Variants in TENM2 observed in about 807,000 individuals in gnomAD.
TENM2 encodes the protein teneurin-2.
In TENM2, 52 loss-of-function variants were observed where a neutral mutation model predicts 245.2. That is an observed-to-expected ratio of 0.21 (90% CI 0.17 to 0.27). The LOEUF (loss-of-function observed/expected upper bound fraction) is 0.27. TENM2 is among the 10% of genes least tolerant of loss of function. The pLI, the probability that TENM2 is intolerant of heterozygous loss-of-function variation, is 1.00. For missense variants in TENM2, 3,046 were observed against 3,666.8 expected (o/e 0.83, Z 4.37); for synonymous variants, 1,363 against 1,438.9 (o/e 0.95, Z 1.19).
At chr5:167,312,850 GC>G (rs1756120498) in intron 1 of TENM2, among the ~76,000 whole-genome samples, 1 of 151,074 alleles carries the variant, frequency 6.6e-6, no homozygotes, top group Non-Finnish European at 1.5e-5. Flanking sequence ...CCGGACCCTG[GC>G]AAAGCAGAAT....
chr5:167,263,166 A>T, the TENM2 span, among the ~76,000 whole-genome samples: 1 of 150,036 alleles, frequency 6.7e-6, no homozygotes, highest in African/African-American at 2.5e-5. Flanking sequence ...CATTTTAAGT[A>T]AATGAACCAA....
chr5:167,318,546 A>G (rs1015594655), intron 1 of TENM2, among the ~76,000 whole-genome samples: 4 of 152,158 alleles, frequency 2.6e-5, no homozygotes, highest in African/African-American at 9.7e-5. Flanking sequence ...TAAATATCAT[A>G]TAATAGAGTT....
the TENM2 span, among the ~76,000 whole-genome samples, chr5:167,260,316 G>A: frequency 6.6e-6 from 1 of 152,186 alleles, no homozygotes; most frequent in African/African-American, 2.4e-5. Context: ...ATATTAAAAA[G>A]TGAAAATTCT....
At chr5:167,712,308 TA>T (rs1308876682) in intron 2 of TENM2, among the ~76,000 whole-genome samples, 3 of 152,226 alleles carry the variant, frequency 2.0e-5, no homozygotes, top group Non-Finnish European at 4.4e-5. Flanking sequence ...AATTGTAAGA[TA>T]TTTTTTAAAT....
chr5:167,712,624 T>C (rs1295717841), intron 2 of TENM2, among the ~76,000 whole-genome samples: 1 of 152,212 alleles, frequency 6.6e-6, no homozygotes, highest in Admixed American at 6.5e-5. Context: ...ATTGGTTTTG[T>C]GGTACTATTA....
At chr5:168,227,409 AG>A (rs1764302458) in intron 24 of TENM2, among the ~76,000 whole-genome samples, 1 of 152,202 alleles carries the variant, frequency 6.6e-6, no homozygotes, top group Non-Finnish European at 1.5e-5. Context: ...ATTTTCTCAA[AG>A]AAAGAATCCT....
At chr5:167,273,463 C>G in the TENM2 span, among the ~76,000 whole-genome samples, 1 of 152,096 alleles carries the variant, frequency 6.6e-6, no homozygotes, top group African/African-American at 2.4e-5. Context: ...GAATTGTTGA[C>G]CTTAACTTTC....
intron 1 of TENM2, among the ~76,000 whole-genome samples, chr5:167,295,136 C>G (rs966759095): frequency 6.6e-6 from 1 of 152,180 alleles, no homozygotes; most frequent in Admixed American, 6.5e-5. Context: ...AGGGAATTTG[C>G]TCTTTTTAGT....
At chr5:168,120,402 A>G (rs1221100127) in intron 10 of TENM2, among the ~76,000 whole-genome samples, 2 of 152,238 alleles carry the variant, frequency 1.3e-5, no homozygotes, top group Admixed American at 1.3e-4. Flanking sequence ...CTGAAAACAT[A>G]AGAGAGGCCA....
intron 2 of TENM2, among the ~76,000 whole-genome samples, chr5:167,768,427 C>A (rs529952753): frequency 6.6e-6 from 1 of 152,138 alleles, no homozygotes; most frequent in East Asian, 1.9e-4. Flanking sequence ...ATTAGGAAAA[C>A]GTTTGTTATG....
intron 3 of TENM2, among the ~76,000 whole-genome samples, chr5:167,930,216 G>C (rs1778171413): frequency 6.6e-6 from 1 of 152,162 alleles, no homozygotes; most frequent in Non-Finnish European, 1.5e-5. Flanking sequence ...TTGAATGGTA[G>C]TCGTGACATG....
At chr5:168,025,403 G>A (rs1581094067) in intron 5 of TENM2, among the ~76,000 whole-genome samples, 2 of 152,176 alleles carry the variant, frequency 1.3e-5, no homozygotes, top group Non-Finnish European at 2.9e-5. Context: ...CTTGGAAATT[G>A]GTTTGGAAAG....
At chr5:167,573,314 C>T (rs1774404946) in intron 2 of TENM2, among the ~76,000 whole-genome samples, 1 of 152,136 alleles carries the variant, frequency 6.6e-6, no homozygotes, top group Non-Finnish European at 1.5e-5. Context: ...GCCAATCAGA[C>T]AAACCCAGAG....
In TENM2 at chr5:168,032,366, A is replaced by G. The variant is rs570471462; in HGVS notation, c.1187-15061A>G. On this transcript the variant is annotated intron_variant, in intron 5 of 28. Coordinates refer to ENST00000518659, the Ensembl canonical transcript of TENM2. ...ATATCTGGAGTATAGTAGGGGCTCA[A>G]TAGTTGCTGGTGAATTTATTGAATG... Among the ~76,000 whole-genome samples, 23 of 152,338 alleles carry G rather than the reference A, an allele frequency of 1.5e-4. No individual in the cohort carries two copies. The South Asian group carries it at 2.9e-3, about 19-fold the overall frequency.
intron 2 of TENM2, among the ~76,000 whole-genome samples, chr5:167,726,347 TA>T (rs994238718): frequency 2.8e-4 from 42 of 152,282 alleles, no homozygotes; most frequent in African/African-American, 1.0e-3. Context: ...ATTTCTATAA[TA>T]GAAAGAAGTA....
chr5:167,105,000 A>G, the TENM2 span, among the ~76,000 whole-genome samples: 1 of 152,366 alleles, frequency 6.6e-6, no homozygotes, highest in South Asian at 2.1e-4. Context: ...AGAATGAAAT[A>G]AGCTACTTCC....
intron 14 of TENM2, among the ~76,000 whole-genome samples, chr5:168,193,191 A>C (rs575078880): frequency 6.6e-6 from 1 of 152,260 alleles, no homozygotes; most frequent in African/African-American, 2.4e-5. Flanking sequence ...GCATGGATAC[A>C]TAATTCAGAA....
the TENM2 span, among the ~76,000 whole-genome samples, chr5:167,083,011 T>G: frequency 6.7e-6 from 1 of 150,262 alleles, no homozygotes; most frequent in African/African-American, 2.5e-5. Flanking sequence ...TATATGAAAT[T>G]GGCAAAAAAA....
chr5:167,044,730 A>G, the TENM2 span, among the ~76,000 whole-genome samples: 2 of 152,224 alleles, frequency 1.3e-5, no homozygotes, highest in Admixed American at 1.3e-4. Flanking sequence ...TAATGTTTCA[A>G]CAGGTGGGCA....
Sources: gnomAD v4.1 joint callset for allele counts (sites outside exome capture counted in the v4.1 genomes callset) on GRCh38, gnomAD v4.1.1 for gene constraint, MANE v1.5 for transcripts, NCBI Gene and HGNC (gene_info 2026-07-23, HGNC 2026-07-21) for gene names.